RANBP2: variants seen among roughly 807,000 people sequenced by gnomAD.
RANBP2 encodes RAN binding protein 2.
Under a neutral mutation model 303.6 loss-of-function variants are expected in RANBP2, and 57 were observed. That is an observed-to-expected ratio of 0.19 (90% confidence interval 0.15 to 0.23). The LOEUF (loss-of-function observed/expected upper bound fraction) is 0.23, where lower values mean the gene tolerates loss of function less well. Ranked by LOEUF, RANBP2 falls within the 10% of genes least tolerant of loss-of-function variation. The pLI is 1.00. For missense variants in RANBP2, 3,138 were observed against 3,780.8 expected, an observed-to-expected ratio of 0.83 and a Z score of 4.46; for synonymous variants, 1,167 against 1,301.5, an observed-to-expected ratio of 0.90 and a Z score of 2.23.
At chr2:109,067,013 A>G in the RANBP2 span, among the ~76,000 whole-genome samples, 1 of 152,092 alleles carries the variant, frequency 6.6e-6, no homozygotes, top group Non-Finnish European at 1.5e-5. Context: ...ATCCCAGGGC[A>G]TAGGCTTGGA....
the RANBP2 span, among the ~76,000 whole-genome samples, chr2:109,367,063 G>T: frequency 6.7e-6 from 1 of 149,872 alleles, no homozygotes; most frequent in African/African-American, 2.5e-5. Context: ...AGAGATTCTC[G>T]TGCCTCACCC....
chr2:109,224,461 G>A, the RANBP2 span, among the ~76,000 whole-genome samples: 2 of 152,240 alleles, frequency 1.3e-5, no homozygotes, highest in Non-Finnish European at 2.9e-5. Context: ...TAGCAGCAGT[G>A]ATGGAAATGT....
chr2:109,289,132 G>T, the RANBP2 span, among the ~76,000 whole-genome samples: 1 of 152,172 alleles, frequency 6.6e-6, no homozygotes, highest in Non-Finnish European at 1.5e-5. Flanking sequence ...CATATGAAAA[G>T]AAAATTATTA....
At chr2:108,752,592 T>A (rs1386873516) in intron 12 of RANBP2, among the ~76,000 whole-genome samples, 9 of 125,864 alleles carry the variant, frequency 7.2e-5, no homozygotes, top group Non-Finnish European at 1.4e-4. Flanking sequence ...GCTAACACGG[T>A]GAAACCCCGT....
the RANBP2 span, among the ~76,000 whole-genome samples, chr2:108,941,728 C>T: frequency 2.6e-5 from 4 of 152,186 alleles, no homozygotes; most frequent in African/African-American, 9.7e-5. Flanking sequence ...CAACCCAAGC[C>T]TTCTCTCCTA....
the RANBP2 span, among the ~76,000 whole-genome samples, chr2:109,758,399 T>G: frequency 2.5e-5 from 3 of 118,052 alleles, no homozygotes; most frequent in East Asian, 5.3e-4. Context: ...CAGAGCAGGA[T>G]TCCATCTCAA....
chr2:109,286,003 A>T, the RANBP2 span, among the ~76,000 whole-genome samples: 1 of 152,156 alleles, frequency 6.6e-6, no homozygotes, highest in East Asian at 1.9e-4. Context: ...AAGCCAGGAC[A>T]CATCAGAGGC....
At chr2:108,804,298 T>C in the RANBP2 span, among the ~76,000 whole-genome samples, 1 of 152,118 alleles carries the variant, frequency 6.6e-6, no homozygotes, top group Non-Finnish European at 1.5e-5. Context: ...TAAATGTAAT[T>C]AGAGGGGAAG....
At chr2:109,025,017 C>A in the RANBP2 span, among the ~76,000 whole-genome samples, 2 of 152,258 alleles carry the variant, frequency 1.3e-5, no homozygotes, top group East Asian at 3.9e-4. Context: ...CTCCTTATGT[C>A]CCCTCTTCCC....
the RANBP2 span, among the ~76,000 whole-genome samples, chr2:109,676,419 AAGTGCAGACACATTC>A: frequency 6.6e-6 from 1 of 152,174 alleles, no homozygotes; most frequent in Non-Finnish European, 1.5e-5. Context: ...TGTACCTGAC[AAGTGCAGACACATTC>A]AGTGCACCCA....
the RANBP2 span, among the ~76,000 whole-genome samples, chr2:109,267,582 C>T: frequency 4.6e-5 from 7 of 152,266 alleles, no homozygotes; most frequent in East Asian, 1.9e-4. Flanking sequence ...TGAGGGCCCC[C>T]GAGTGCCGGC....
chr2:108,831,708 C>CCTTCCTTCCTT, the RANBP2 span, among the ~76,000 whole-genome samples: 7 of 145,728 alleles, frequency 4.8e-5, no homozygotes, highest in Non-Finnish European at 9.4e-5. Flanking sequence ...AATCTTCCTT[C>CCTTCCTTCCTT]CTTCCTTCCT....
chr2:108,793,589 TTTTTG>T, the RANBP2 span, among the ~76,000 whole-genome samples: 3 of 151,846 alleles, frequency 2.0e-5, no homozygotes, highest in Non-Finnish European at 2.9e-5. Flanking sequence ...AGGAAACTTT[TTTTTG>T]TTTTGTTTTG....
At chr2:109,541,264 A>G in the RANBP2 span, among the ~76,000 whole-genome samples, 1 of 152,026 alleles carries the variant, frequency 6.6e-6, no homozygotes, top group Non-Finnish European at 1.5e-5. Context: ...TCATGCCACT[A>G]TTTTCTCATA....
the RANBP2 span, among the ~76,000 whole-genome samples, chr2:109,668,166 T>C: frequency 6.6e-6 from 1 of 152,242 alleles, no homozygotes; most frequent in East Asian, 1.9e-4. Flanking sequence ...AAGCCTGCAA[T>C]TGCAGGACCC....
the RANBP2 span, among the ~76,000 whole-genome samples, chr2:109,174,796 C>A: frequency 6.6e-6 from 1 of 152,144 alleles, no homozygotes; most frequent in Non-Finnish European, 1.5e-5. Context: ...GCTGGCAGAC[C>A]CATGAGGGCA....
At chr2:109,125,900 C>T in the RANBP2 span, among the ~76,000 whole-genome samples, 3 of 152,210 alleles carry the variant, frequency 2.0e-5, no homozygotes, top group Admixed American at 6.5e-5. Flanking sequence ...TGTAAACTGG[C>T]GGTCTGTAGG....
At chr2:109,223,989 G>A in the RANBP2 span, among the ~76,000 whole-genome samples, 1 of 152,162 alleles carries the variant, frequency 6.6e-6, no homozygotes, top group East Asian at 1.9e-4. Context: ...GTGACAGAGT[G>A]AGACTCCGTC....
At chr2:109,004,679 C>A in the RANBP2 span, among the ~76,000 whole-genome samples, 1 of 152,180 alleles carries the variant, frequency 6.6e-6, no homozygotes, top group Admixed American at 6.5e-5. Context: ...AATTCACACT[C>A]TTGGTTCTAG....
Sources: allele counts gnomAD v4.1 joint callset (sites outside exome capture counted in the v4.1 genomes callset), GRCh38; gene constraint gnomAD v4.1.1; transcripts MANE v1.5; gene names NCBI Gene and HGNC (gene_info 2026-07-23, HGNC 2026-07-21).